The following RABGAP1L variants were observed in gnomAD, a reference collection of about 807,000 sequenced individuals.
RABGAP1L encodes rab GTPase-activating protein 1-like.
In RABGAP1L, 63 loss-of-function variants were observed where a neutral mutation model predicts 137.7. The observed-to-expected ratio is 0.46, with a 90% CI of 0.37 to 0.56. RABGAP1L has a LOEUF of 0.56. Ranked by LOEUF, RABGAP1L falls within the 20% of genes least tolerant of loss-of-function variation. The pLI, the probability that RABGAP1L is intolerant of heterozygous loss-of-function variation, is 0.00. For synonymous variants in RABGAP1L, 431 were observed against 433.7 expected (o/e 0.99, Z 0.08); for missense variants, 1,095 against 1,244.0 (o/e 0.88, Z 1.80).
At chr1:174,331,833 C>G (rs1416176502) in intron 11 of RABGAP1L, among the ~76,000 whole-genome samples, 3 of 136,388 alleles carry the variant, frequency 2.2e-5, no homozygotes, top group Non-Finnish European at 1.6e-5. Context: ...CCCCTCCCCC[C>G]ACCCCACAAC....
chr1:174,591,632 T>C (rs1482753413), intron 13 of RABGAP1L, among the ~76,000 whole-genome samples: 2 of 49,668 alleles, frequency 4.0e-5, no homozygotes, highest in Non-Finnish European at 6.3e-5. Flanking sequence ...TGCTTGTTTT[T>C]CTCAGGTTTG....
chr1:174,419,919 C>T (rs914241842), intron 13 of RABGAP1L, among the ~76,000 whole-genome samples: 1 of 152,090 alleles, frequency 6.6e-6, no homozygotes, highest in African/African-American at 2.4e-5. Flanking sequence ...ACTTTTTTCA[C>T]ATGTATAGAG....
chr1:174,198,181 G>A (rs1433597698), intron 1 of RABGAP1L, among the ~76,000 whole-genome samples: 3 of 152,230 alleles, frequency 2.0e-5, no homozygotes, highest in African/African-American at 7.2e-5. Context: ...AAAAGTGATT[G>A]AATAGTTCTT....
chr1:174,301,959 C>A (rs547009085), intron 10 of RABGAP1L, among the ~76,000 whole-genome samples: 16 of 152,138 alleles, frequency 1.1e-4, no homozygotes, highest in Non-Finnish European at 2.2e-4. Flanking sequence ...TTTAAACTGC[C>A]TTTTGGCTTG....
At chr1:174,564,855 A>G (rs776971085) in intron 13 of RABGAP1L, among the ~76,000 whole-genome samples, 1 of 152,182 alleles carries the variant, frequency 6.6e-6, no homozygotes, top group Non-Finnish European at 1.5e-5. Context: ...TACCTGAATA[A>G]GGTGGGCCAC....
chr1:174,427,024 G>C (rs1036366232), intron 13 of RABGAP1L, among the ~76,000 whole-genome samples: 2 of 151,988 alleles, frequency 1.3e-5, no homozygotes, highest in African/African-American at 4.8e-5. Flanking sequence ...AAAAAATCTA[G>C]AGCATAGCTG....
intron 13 of RABGAP1L, among the ~76,000 whole-genome samples, chr1:174,422,573 T>A (rs115505262): frequency 0.02 from 3,065 of 152,264 alleles, 109 homozygotes; most frequent in African/African-American, 0.071. Context: ...TTTATTGATA[T>A]GCAAATACAG....
chr1:174,562,470 A>G (rs926742712), intron 13 of RABGAP1L, among the ~76,000 whole-genome samples: 6 of 152,218 alleles, frequency 3.9e-5, no homozygotes, highest in African/African-American at 1.2e-4. Context: ...ATCTAGAACT[A>G]GAAATACCAT....
At chr1:174,877,041 T>C (rs1332205469) in intron 19 of RABGAP1L, among the ~76,000 whole-genome samples, 1 of 152,176 alleles carries the variant, frequency 6.6e-6, no homozygotes, top group Non-Finnish European at 1.5e-5. Context: ...CCAAGAACAA[T>C]CTTCATGTAA....
chr1:174,582,903 G>C (rs940811590), intron 13 of RABGAP1L, among the ~76,000 whole-genome samples: 1 of 152,050 alleles, frequency 6.6e-6, no homozygotes, highest in Non-Finnish European at 1.5e-5. Context: ...AATTCAGGTT[G>C]GTTTTTCTTT....
chr1:174,525,838 A>G (rs2147864855), intron 13 of RABGAP1L, among the ~76,000 whole-genome samples: 2 of 152,258 alleles, frequency 1.3e-5, no homozygotes, highest in Middle Eastern at 6.8e-3. Flanking sequence ...AGTTTTTATC[A>G]TGAAGGGACA....
Position 174,517,880 on chromosome 1 carries a change from AT to A in RABGAP1L, c.1711-119492del. On this transcript the variant is annotated intron_variant, in intron 13 of 25. Transcript: ENST00000681986. The stretch of plus-strand genomic sequence containing the variant: ...TCGTTCTTTATATATGCTTGTTAAC[AT>A]TTGGCAGTTAAGCATATTACTAAGT... Among the ~76,000 whole-genome samples the A allele has an allele frequency of 1.3e-5, 2 of 152,244 alleles. 1 individual carries two copies. Among genetic ancestry groups the A allele is most frequent in the East Asian group, 3.9e-4 (2 of 5,184 alleles).
At chr1:174,184,660 G>T (rs1350048406) in intron 1 of RABGAP1L, among the ~76,000 whole-genome samples, 2 of 152,134 alleles carry the variant, frequency 1.3e-5, no homozygotes, top group Non-Finnish European at 2.9e-5. Flanking sequence ...GAATATCCCA[G>T]ACAAATTGGG....
intron 1 of RABGAP1L, among the ~76,000 whole-genome samples, chr1:174,188,009 A>C (rs934519372): frequency 6.6e-6 from 1 of 152,220 alleles, no homozygotes; most frequent in African/African-American, 2.4e-5. Flanking sequence ...AAAGGAAGGC[A>C]TCATTTGTAA....
At chr1:174,792,320 G>A (rs1369897018) in intron 18 of RABGAP1L, among the ~76,000 whole-genome samples, 1 of 152,232 alleles carries the variant, frequency 6.6e-6, no homozygotes, top group African/African-American at 2.4e-5. Flanking sequence ...TGTTCTTGAA[G>A]TAGCAAGCAT....
intron 19 of RABGAP1L, among the ~76,000 whole-genome samples, chr1:174,884,161 GGATA>G (rs1434694191): frequency 6.6e-6 from 1 of 152,188 alleles, no homozygotes; most frequent in Non-Finnish European, 1.5e-5. Flanking sequence ...TATTGGCACT[GGATA>G]GATATTCTTC....
intron 13 of RABGAP1L, among the ~76,000 whole-genome samples, chr1:174,489,663 G>T (rs1033505694): frequency 5.9e-5 from 9 of 152,116 alleles, no homozygotes; most frequent in Non-Finnish European, 1.0e-4. Context: ...ATTTGACCCA[G>T]CCATCCCATT....
intron 13 of RABGAP1L, among the ~76,000 whole-genome samples, chr1:174,613,195 G>T (rs1214752798): frequency 6.6e-6 from 1 of 151,326 alleles, no homozygotes; most frequent in Admixed American, 6.6e-5. Context: ...TGGGCATTTA[G>T]TGCTATAAAT....
rs779207807 is a variant in RABGAP1L, at chr1:174,448,237, C to CGA, written c.1710+54095_1710+54096dup. The CGA allele has an allele frequency of 2.5e-6, 4 of 1,614,032 alleles. No individual in the cohort carries two copies. Among genetic ancestry groups the CGA allele is most frequent in the Non-Finnish European group, 3.4e-6 (4 of 1,179,966 alleles). On this transcript the variant is annotated intron_variant, in intron 13 of 25. Coordinates refer to ENST00000681986, the MANE Select transcript of RABGAP1L (RefSeq NM_001366446.1). The surrounding 1 kb of genome is among the most constrained non-coding windows in gnomAD (Gnocchi z 4.2). ...ACAGTGTGGTGGATGTCTGCATCTT[C>CGA]GAGACAGTGGTTATTGTGTTGCTGA...
Sources: gnomAD v4.1 joint callset for allele counts (sites outside exome capture counted in the v4.1 genomes callset) on GRCh38, gnomAD v4.1.1 for gene constraint, Gnocchi (gnomAD v3.1) non-coding constraint, MANE v1.5 for transcripts, NCBI Gene and HGNC (gene_info 2026-07-23, HGNC 2026-07-21) for gene names.